The following NAV3 variants were observed in gnomAD, a reference collection of about 807,000 sequenced individuals.
NAV3 encodes the protein pore membrane and/or filament interacting like protein 1.
Under a neutral mutation model 244.7 loss-of-function variants are expected in NAV3, and 87 were observed. The ratio of observed to expected loss-of-function variants is 0.36; its 90% CI spans 0.30 to 0.42. The LOEUF is 0.42. Among genes scored for constraint, NAV3 ranks in the 20% least tolerant of loss-of-function variants. The probability of loss-of-function intolerance (pLI) is 1.00; values close to 1 mark genes in which losing one functional copy is unlikely to be tolerated. For synonymous variants in NAV3, 1,126 were observed against 1,042.2 expected (o/e 1.08, Z -1.55); for missense variants, 2,663 against 2,893.3 (o/e 0.92, Z 1.83).
chr12:77,691,093 G>T (rs1295749928), intron 2 of NAV3, among the ~76,000 whole-genome samples: 3 of 150,390 alleles, frequency 2.0e-5, no homozygotes, highest in African/African-American at 7.3e-5. Flanking sequence ...TGTATGGAAG[G>T]TTGAATATTG....
At chr12:78,200,951 T>C in intron 38 of NAV3, among the ~76,000 whole-genome samples, 1 of 151,756 alleles carries the variant, frequency 6.6e-6, no homozygotes, top group East Asian at 1.9e-4. Context: ...TATCACATAA[T>C]TTCCTTTATC....
intron 2 of NAV3, among the ~76,000 whole-genome samples, chr12:77,633,053 C>A (rs1190214164): frequency 6.6e-6 from 1 of 151,946 alleles, no homozygotes; most frequent in African/African-American, 2.4e-5. Flanking sequence ...AAAAATGTTT[C>A]TATTAGAGTA....
Position 78,128,847 on chromosome 12 carries a change from A to C in NAV3, c.4422A>C (p.Lys1474Asn), listed in dbSNP as rs1956040541. 1 of 1,613,404 alleles carries C rather than the reference A, an allele frequency of 6.2e-7. No homozygotes were observed. Among genetic ancestry groups the C allele is most frequent in the Non-Finnish European group, 8.5e-7 (1 of 1,179,792 alleles). ...PSAMSSSAAG[K>N]YHFSNLVSPT... ...CCATGTCATCTTCTGCAGCTGGAAA[A>C]TACCACTTTTCTAACTTGGGTAAAA... Residue 1474 changes from lysine to asparagine, a missense_variant, in exon 18 of 40, where the codon AAA (lysine) becomes AAC (asparagine). Coordinates refer to ENST00000397909, the MANE Select transcript of NAV3 (RefSeq NM_001024383.2).
chr12:78,137,077 G>A, intron 18 of NAV3, 100 bp from the exon 19 acceptor site: 1 of 1,118,284 alleles, frequency 8.9e-7, no homozygotes, highest in South Asian at 1.7e-5. Flanking sequence ...ATACATTCAT[G>A]TTTTCATAAG....
intron 12 of NAV3, among the ~76,000 whole-genome samples, chr12:78,091,283 C>T (rs1229450940): frequency 2.6e-5 from 4 of 152,132 alleles, no homozygotes; most frequent in Non-Finnish European, 4.4e-5. Flanking sequence ...ATGTTGACTT[C>T]AGAATAGAAT....
chr12:77,994,868 C>G lies in NAV3; in HGVS notation c.737C>G (p.Thr246Ser), dbSNP rs774756640. The G allele has an allele frequency of 3.7e-6, 6 of 1,603,006 alleles. No homozygotes were observed. Among genetic ancestry groups the G allele is most frequent in the Non-Finnish European group, 5.1e-6 (6 of 1,172,516 alleles). ...ATTGCAACCAGTCAAAAAAAGCCTA[C>G]TAGGTCAGTTAATATTCTCTAATTT... The part of the protein sequence containing the change: ...SGIATSQKKP[T>S]RLPGPSRVPA... The change falls in exon 6 of 40, where the codon ACT becomes AGT. Residue 246 changes from threonine to serine, a missense_variant. By Grantham distance (58) the Thr-to-Ser change is moderately conservative. This residue lies in a region of NAV3 where 1,521 missense variants were observed against 1,497.0 expected (regional missense o/e 1.02). Coordinates refer to ENST00000397909, the MANE Select transcript of NAV3 (RefSeq NM_001024383.2).
At chr12:78,163,104 T>C (rs191479138) in intron 23 of NAV3, among the ~76,000 whole-genome samples, 14 of 151,482 alleles carry the variant, frequency 9.2e-5, no homozygotes, top group South Asian at 6.2e-4. Flanking sequence ...TACATGTTCT[T>C]GATTACATAC....
At chr12:77,979,876 C>T (rs1412525529) in intron 5 of NAV3, among the ~76,000 whole-genome samples, 2 of 152,038 alleles carry the variant, frequency 1.3e-5, no homozygotes, top group Admixed American at 1.3e-4. Context: ...AAGCCACTTA[C>T]TGAGAGAACG....
In NAV3 at chr12:77,695,967, C is replaced by G. The variant is rs146698645; in HGVS notation, c.72+123701C>G. On this transcript the variant is annotated intron_variant, in intron 2 of 8. Coordinates refer to the NAV3 transcript ENST00000550042. ...GTTATAATTTGTCATGTCCTTGGTT[C>G]AAGGTATGCAAAAATCCTTTTGTGT... Among the ~76,000 whole-genome samples, 48 of 152,112 alleles carry G rather than the reference C, an allele frequency of 3.2e-4. 1 individual carries two copies. Among genetic ancestry groups the G allele is most frequent in the African/African-American group, 1.1e-3 (44 of 41,508 alleles).
At chr12:77,593,550 A>C (rs1451174608) in intron 2 of NAV3, among the ~76,000 whole-genome samples, 2 of 150,670 alleles carry the variant, frequency 1.3e-5, no homozygotes, top group African/African-American at 4.9e-5. Context: ...CCCGGGTTCA[A>C]GCGATTCTCC....
chr12:77,956,962 C>T (rs907169034), intron 3 of NAV3, among the ~76,000 whole-genome samples: 28 of 152,220 alleles, frequency 1.8e-4, no homozygotes, highest in African/African-American at 6.0e-4. Flanking sequence ...AGGCTGGTCT[C>T]AGACTCCTGA....
At chr12:77,662,597 T>C (rs1301834109) in intron 2 of NAV3, among the ~76,000 whole-genome samples, 1 of 152,094 alleles carries the variant, frequency 6.6e-6, no homozygotes, top group African/African-American at 2.4e-5. Context: ...TAAATGCTTG[T>C]TGGGTGAGAG....
At chr12:77,583,890 C>A (rs1869482201) in intron 2 of NAV3, among the ~76,000 whole-genome samples, 1 of 152,194 alleles carries the variant, frequency 6.6e-6, no homozygotes, top group Non-Finnish European at 1.5e-5. Context: ...GACATATTGA[C>A]AACCCATCTC....
chr12:78,006,426 C>T lies in NAV3; in HGVS notation c.888C>T (p.Ser296=). The T allele has an allele frequency of 1.2e-6, 2 of 1,612,502 alleles. No individual in the cohort carries two copies. The highest frequency in any genetic ancestry group is 1.7e-6 in the Non-Finnish European group (2 of 1,178,822). The change falls in exon 8 of 40, where the codon TCC becomes TCT. Residue 296 remains serine, a synonymous_variant. Transcript: ENST00000397909. ...CTTCTAAACAATGTCCAGATTCCTC[C>T]AAAGGACCTCAATCGTCTTCAGGTG... The part of the protein sequence containing the change: ...NYANGNEKDS[S]KGPQSSSGVN...
At chr12:78,162,903 A>AATATATATAATATATAATATATATATAT (rs1957616909) in intron 23 of NAV3, among the ~76,000 whole-genome samples, 1 of 128,864 alleles carries the variant, frequency 7.8e-6, no homozygotes. Flanking sequence ...TATATATATA[A>AATATATATAATATATAATATATATATAT]ATATATATAT....
chr12:78,104,196 A>C (rs1224065433), intron 12 of NAV3, among the ~76,000 whole-genome samples: 2 of 152,162 alleles, frequency 1.3e-5, no homozygotes, highest in Non-Finnish European at 2.9e-5. Flanking sequence ...ATGTAAACAA[A>C]ATATCTGTTT....
chr12:78,009,653 A>G (rs922777537), intron 8 of NAV3, among the ~76,000 whole-genome samples: 6 of 152,104 alleles, frequency 3.9e-5, no homozygotes, highest in African/African-American at 1.4e-4. Context: ...TGATAATTGT[A>G]GAAGCTACCT....
chr12:78,016,015 C>A (rs1199004982), intron 8 of NAV3, among the ~76,000 whole-genome samples: 1 of 152,016 alleles, frequency 6.6e-6, no homozygotes, highest in Non-Finnish European at 1.5e-5. Flanking sequence ...ACTGGGAGCC[C>A]CTTCAAACTG....
intron 2 of NAV3, among the ~76,000 whole-genome samples, chr12:77,576,724 GTT>G (rs1388498408): frequency 6.6e-6 from 1 of 151,934 alleles, no homozygotes; most frequent in Admixed American, 6.6e-5. Context: ...TTAAAAATCT[GTT>G]TTCTTTAAAG....
Sources: allele counts gnomAD v4.1 joint callset (sites outside exome capture counted in the v4.1 genomes callset), GRCh38; gene constraint gnomAD v4.1.1; regional missense constraint gnomAD v4.1.1; transcripts MANE v1.5; gene names NCBI Gene and HGNC (gene_info 2026-07-23, HGNC 2026-07-21).